The following TG variants were observed in gnomAD, a reference collection of about 807,000 sequenced individuals.
TG encodes thyroglobulin, also known as thyroid hormones.
A neutral mutation model predicts 324.7 loss-of-function variants in TG; 270 were observed. The ratio of observed to expected loss-of-function variants is 0.83; its 90% CI spans 0.75 to 0.92. The LOEUF is 0.92. Among genes scored for constraint, TG ranks in the 40% least tolerant of loss-of-function variants. The pLI, the probability that TG is intolerant of heterozygous loss-of-function variation, is 0.00. For missense variants in TG, 3,591 were observed against 3,456.4 expected (o/e 1.04, Z -0.98); for synonymous variants, 1,401 against 1,327.0 (o/e 1.06, Z -1.21).
At chr8:133,055,824 CCAGCAGCAGCAGCAGCAGCAG>C (rs36210010) in intron 41 of TG, among the ~76,000 whole-genome samples, 72,864 of 150,726 alleles carry the variant, frequency 0.48, 18,448 homozygotes, top group African/African-American at 0.62. Context: ...CTCCTCATCA[CCAGCAGCAGCAGCAGCAGCAG>C]CAGCAGCAGC....
In TG at chr8:133,028,951, C is replaced by G. The variant is rs550000292; in HGVS notation, c.7037-870C>G. Among the ~76,000 whole-genome samples the G allele has an allele frequency of 5.3e-5, 8 of 152,210 alleles. No individual in the cohort carries two copies. The South Asian group carries it at 1.7e-3, about 32-fold the overall frequency. The stretch of plus-strand genomic sequence containing the variant: ...GGAGCTCGGGGAGTGGGCTGGGCCG[C>G]TGACACACACAGGACCATCACCAAC... On this transcript the variant is annotated intron_variant, in intron 40 of 47. Coordinates refer to ENST00000220616, the MANE Select transcript of TG (RefSeq NM_003235.5).
chr8:133,007,771 C>CTT (rs75045660), intron 35 of TG, among the ~76,000 whole-genome samples: 16 of 128,906 alleles, frequency 1.2e-4, no homozygotes, highest in South Asian at 2.6e-4. Flanking sequence ...TAATTTAGTT[C>CTT]TTTTTTTTTT....
chr8:132,899,030 G>T, intron 14 of TG, 120 bp downstream of exon 14: 1 of 904,394 alleles, frequency 1.1e-6, no homozygotes. Context: ...CTCAGCCTGG[G>T]TGTTTGTCTG....
chr8:132,943,061 T>C (rs1378993664), intron 26 of TG, among the ~76,000 whole-genome samples: 2 of 152,174 alleles, frequency 1.3e-5, no homozygotes, highest in African/African-American at 4.8e-5. Flanking sequence ...GGATGTCTCC[T>C]TCTGAGAAGG....
intron 26 of TG, among the ~76,000 whole-genome samples, chr8:132,942,154 G>A (rs1824542205): frequency 6.6e-6 from 1 of 152,240 alleles, no homozygotes; most frequent in Non-Finnish European, 1.5e-5. Context: ...GGACTTTGGT[G>A]TTATGGACCT....
At chr8:133,050,921 G>A in intron 41 of TG, 1 of 1,595,010 alleles carries the variant, frequency 6.3e-7, no homozygotes. Flanking sequence ...CAGTCCTGGG[G>A]AAACAAAGGC....
chr8:132,924,191 C>T (rs928652806), intron 22 of TG, among the ~76,000 whole-genome samples: 2 of 151,930 alleles, frequency 1.3e-5, no homozygotes, highest in African/African-American at 4.8e-5. Context: ...GAGCATGCAA[C>T]CTAGATCCCT....
chr8:133,097,429 A>G (rs1163422194), intron 43 of TG, among the ~76,000 whole-genome samples: 1 of 152,234 alleles, frequency 6.6e-6, no homozygotes, highest in African/African-American at 2.4e-5. Flanking sequence ...GTCCATTAAC[A>G]GGGAAATGGT....
At chr8:133,032,213 C>T (rs1451959539) in intron 41 of TG, among the ~76,000 whole-genome samples, 2 of 152,202 alleles carry the variant, frequency 1.3e-5, no homozygotes, top group Non-Finnish European at 2.9e-5. Flanking sequence ...TCCCTTCCAC[C>T]CCTTTCTTGT....
rs546105979 is a variant in TG, at chr8:132,900,453, C to A, written c.3433+114C>A. ...TCTACTGCTTCCATAGCTGTGGGGG[C>A]ACAGCTGCTGACCTCACTATGCCTC... On this transcript the variant is annotated intron_variant, in intron 15 of 47. Transcript: ENST00000220616. 241 of 975,972 alleles carry A rather than the reference C, an allele frequency of 2.5e-4. No individual in the cohort carries two copies. In the African/African-American group the frequency reaches 3.4e-3, roughly 14 times the overall value. 60.5% of individuals were successfully genotyped at this position (975,972 alleles called of 1,614,324 possible).
At chr8:132,878,372 T>C (rs1427816097) in intron 5 of TG, among the ~76,000 whole-genome samples, 3 of 152,024 alleles carry the variant, frequency 2.0e-5, no homozygotes, top group African/African-American at 7.2e-5. Context: ...ATCCCAGCAC[T>C]TTGGGAGGCC....
rs187877984 is a variant in TG, at chr8:132,869,430, T to G, written c.177-299T>G. Among the ~76,000 whole-genome samples, 23 of 152,264 alleles carry G rather than the reference T, an allele frequency of 1.5e-4. No homozygotes were observed. The East Asian group carries it at 4.4e-3, about 29-fold the overall frequency. On this transcript the variant is annotated intron_variant, in intron 2 of 47. Coordinates refer to ENST00000220616, the MANE Select transcript of TG (RefSeq NM_003235.5). Reference sequence around the variant, plus strand: ...GCAGCCTCATAATGCCTGAGGACACTTGGTGGATGTGGCTGAAGCCCTGCA... The same window carrying G: ...GCAGCCTCATAATGCCTGAGGACACGTGGTGGATGTGGCTGAAGCCCTGCA...
intron 27 of TG, among the ~76,000 whole-genome samples, chr8:132,952,957 A>C (rs916009130): frequency 2.6e-5 from 4 of 152,072 alleles, no homozygotes. Context: ...CCACCATCCT[A>C]TGTGCAATTT....
At chr8:132,994,871 G>A in intron 35 of TG, 1 of 1,240,826 alleles carries the variant, frequency 8.1e-7, no homozygotes, top group Non-Finnish European at 1.0e-6. Flanking sequence ...ATCTTGCTGT[G>A]ATGGAGTAAG....
At chr8:133,040,182 G>A (rs1428319094) in intron 41 of TG, 3 of 1,551,766 alleles carry the variant, frequency 1.9e-6, no homozygotes, top group South Asian at 2.4e-5. Flanking sequence ...GCCTCAGCCA[G>A]TGTGGGGTTC....
At chr8:132,933,751 A>C (rs1052337984) in intron 24 of TG, 75 bp downstream of exon 24, 13 of 1,331,860 alleles carry the variant, frequency 9.8e-6, no homozygotes, top group Middle Eastern at 1.8e-4. Context: ...AGCGGGCAGC[A>C]GGCTGGCCAG....
At chr8:133,025,992 A>G (rs1564086091) in intron 40 of TG, among the ~76,000 whole-genome samples, 2 of 152,064 alleles carry the variant, frequency 1.3e-5, no homozygotes, top group Non-Finnish European at 2.9e-5. Context: ...CGTGAGATGA[A>G]GTGTGTGAGG....
intron 41 of TG, among the ~76,000 whole-genome samples, chr8:133,092,088 T>G (rs1847642561): frequency 6.6e-6 from 1 of 152,216 alleles, no homozygotes; most frequent in Non-Finnish European, 1.5e-5. Context: ...TTCCAGCCAG[T>G]GGCTCACTCT....
At chr8:133,051,736 A>G (rs1314378376) in intron 41 of TG, among the ~76,000 whole-genome samples, 1 of 152,176 alleles carries the variant, frequency 6.6e-6, no homozygotes, top group African/African-American at 2.4e-5. Flanking sequence ...GATTTGATGT[A>G]ATTCAGATGC....
Sources: allele counts gnomAD v4.1 joint callset (sites outside exome capture counted in the v4.1 genomes callset), GRCh38; gene constraint gnomAD v4.1.1; transcripts MANE v1.5; gene names NCBI Gene and HGNC (gene_info 2026-07-23, HGNC 2026-07-21).